Variants in SLC24A2 observed in about 807,000 individuals in gnomAD.
SLC24A2 encodes solute carrier family 24 member 2.
A neutral mutation model predicts 62.0 loss-of-function variants in SLC24A2; 36 were observed. The observed-to-expected ratio is 0.58, with a 90% CI of 0.44 to 0.77. The LOEUF (loss-of-function observed/expected upper bound fraction) is 0.77. Ranked by LOEUF, SLC24A2 falls within the 30% of genes least tolerant of loss-of-function variation. SLC24A2 has a pLI of 0.00. For synonymous variants in SLC24A2, 358 were observed against 294.0 expected, an observed-to-expected ratio of 1.22 and a Z score of -2.23; for missense variants, 846 against 817.9, an observed-to-expected ratio of 1.03 and a Z score of -0.42.
At chr9:19,772,112 A>T (rs895758682) in intron 2 of SLC24A2, among the ~76,000 whole-genome samples, 1 of 152,180 alleles carries the variant, frequency 6.6e-6, no homozygotes, top group East Asian at 1.9e-4. Flanking sequence ...TAAGGCAGAG[A>T]AGAATCAGGA....
chr9:20,032,266 T>G, the SLC24A2 span, among the ~76,000 whole-genome samples: 1 of 152,348 alleles, frequency 6.6e-6, no homozygotes, highest in African/African-American at 2.4e-5. Flanking sequence ...TTACAATGAT[T>G]GCACGTCTTT....
the SLC24A2 span, among the ~76,000 whole-genome samples, chr9:19,959,485 C>G: frequency 4.6e-5 from 7 of 152,304 alleles, no homozygotes; most frequent in Non-Finnish European, 1.5e-5. Context: ...TATAACCCAA[C>G]CTTTAGCAGT....
chr9:19,989,969 T>C, the SLC24A2 span, among the ~76,000 whole-genome samples: 52 of 152,306 alleles, frequency 3.4e-4, no homozygotes, highest in East Asian at 6.2e-3. Flanking sequence ...TAGAATTTCC[T>C]GTGGCTAAAA....
intron 2 of SLC24A2, among the ~76,000 whole-genome samples, chr9:19,731,659 T>C (rs1821342555): frequency 6.6e-6 from 1 of 152,218 alleles, no homozygotes; most frequent in African/African-American, 2.4e-5. Context: ...CCTCCAGTAC[T>C]GTGAGACATA....
chr9:20,131,324 T>C, the SLC24A2 span, among the ~76,000 whole-genome samples: 1 of 152,098 alleles, frequency 6.6e-6, no homozygotes, highest in Non-Finnish European at 1.5e-5. Context: ...CTGTTCATGC[T>C]TGAGGACTAG....
chr9:20,134,138 TACTC>T, the SLC24A2 span, among the ~76,000 whole-genome samples: 9 of 152,238 alleles, frequency 5.9e-5, no homozygotes, highest in African/African-American at 1.9e-4. Flanking sequence ...GCCAGAAAGA[TACTC>T]AAGAAAGCTT....
chr9:19,900,190 T>A, the SLC24A2 span, among the ~76,000 whole-genome samples: 1 of 152,230 alleles, frequency 6.6e-6, no homozygotes, highest in East Asian at 1.9e-4. Context: ...CTACTGCTTC[T>A]ATCTTTATGA....
At chr9:19,643,445 T>G (rs552560004) in intron 2 of SLC24A2, among the ~76,000 whole-genome samples, 1 of 152,220 alleles carries the variant, frequency 6.6e-6, no homozygotes, top group African/African-American at 2.4e-5. Context: ...TTGATGGAAA[T>G]GTACCTAAAA....
the SLC24A2 span, among the ~76,000 whole-genome samples, chr9:20,001,234 AG>A: frequency 6.6e-6 from 1 of 152,126 alleles, no homozygotes; most frequent in Non-Finnish European, 1.5e-5. Context: ...TGAGGATAGG[AG>A]GGAGTGTGCA....
intron 7 of SLC24A2, among the ~76,000 whole-genome samples, chr9:19,550,826 G>C (rs538863810): frequency 6.6e-6 from 1 of 151,456 alleles, no homozygotes; most frequent in African/African-American, 2.4e-5. Flanking sequence ...TAAGTGCATT[G>C]ATTTTTGTGT....
At chr9:20,305,168 G>A in the SLC24A2 span, among the ~76,000 whole-genome samples, 3 of 150,712 alleles carry the variant, frequency 2.0e-5, no homozygotes, top group Admixed American at 6.6e-5. Flanking sequence ...GAGTGCAGTG[G>A]CACAATCTCG....
intron 6 of SLC24A2, among the ~76,000 whole-genome samples, chr9:19,573,678 G>C (rs143942490): frequency 3.3e-5 from 5 of 152,182 alleles, no homozygotes; most frequent in African/African-American, 7.2e-5. Context: ...TGAGCCAAGC[G>C]GGAAAGGATT....
At chr9:20,254,985 G>GA in the SLC24A2 span, among the ~76,000 whole-genome samples, 1 of 151,992 alleles carries the variant, frequency 6.6e-6, no homozygotes, top group African/African-American at 2.4e-5. Context: ...AACAGCACAG[G>GA]AAAAATCCAC....
At chr9:19,813,849 C>A in the SLC24A2 span, among the ~76,000 whole-genome samples, 2 of 152,076 alleles carry the variant, frequency 1.3e-5, no homozygotes, top group Admixed American at 6.6e-5. Context: ...AGGGAGAATG[C>A]ACCATTTCTA....
At chr9:20,040,194 GA>G in the SLC24A2 span, among the ~76,000 whole-genome samples, 3 of 152,292 alleles carry the variant, frequency 2.0e-5, no homozygotes, top group Non-Finnish European at 2.9e-5. Context: ...AGTCAAGAGC[GA>G]TGGAACGATT....
chr9:20,031,070 G>C, the SLC24A2 span, among the ~76,000 whole-genome samples: 1 of 151,486 alleles, frequency 6.6e-6, no homozygotes, highest in Non-Finnish European at 1.5e-5. Flanking sequence ...TCAATATTTA[G>C]AATATAGAGA....
the SLC24A2 span, among the ~76,000 whole-genome samples, chr9:20,269,153 T>G: frequency 6.6e-6 from 1 of 152,144 alleles, no homozygotes; most frequent in Non-Finnish European, 1.5e-5. Context: ...CCCACCTAAG[T>G]TGGTGTGCAG....
chr9:19,648,878 A>T (rs1411416352), intron 2 of SLC24A2, among the ~76,000 whole-genome samples: 1 of 152,084 alleles, frequency 6.6e-6, no homozygotes, highest in African/African-American at 2.4e-5. Flanking sequence ...AGAAAGCTAG[A>T]ATAGGGAAGG....
intron 2 of SLC24A2, among the ~76,000 whole-genome samples, chr9:19,737,438 A>C (rs1009278873): frequency 2.6e-5 from 4 of 152,186 alleles, no homozygotes; most frequent in Non-Finnish European, 5.9e-5. Flanking sequence ...CATAAAACAA[A>C]GGCATGAATA....
Sources: allele counts gnomAD v4.1 joint callset (sites outside exome capture counted in the v4.1 genomes callset), GRCh38; gene constraint gnomAD v4.1.1; transcripts MANE v1.5; gene names NCBI Gene and HGNC (gene_info 2026-07-23, HGNC 2026-07-21).